Variants in CADM2 observed in about 807,000 individuals in gnomAD.
CADM2 encodes immunoglobulin superfamily member 4D.
Under a neutral mutation model 49.8 loss-of-function variants are expected in CADM2, and 12 were observed. The ratio of observed to expected loss-of-function variants is 0.24; its 90% CI spans 0.15 to 0.39. The LOEUF (loss-of-function observed/expected upper bound fraction) is 0.39. CADM2 is among the 10% of genes least tolerant of loss of function. CADM2 has a pLI of 1.00. For missense variants in CADM2, 378 were observed against 492.3 expected, an observed-to-expected ratio of 0.77 and a Z score of 2.20; for synonymous variants, 214 against 175.4, an observed-to-expected ratio of 1.22 and a Z score of -1.74.
At chr3:85,658,726 T>C (rs2065299226) in intron 1 of CADM2, among the ~76,000 whole-genome samples, 2 of 150,616 alleles carry the variant, frequency 1.3e-5, no homozygotes, top group South Asian at 2.1e-4. Flanking sequence ...TTTCTATTAG[T>C]GTTCTTACAG....
Position 85,683,740 on chromosome 3 carries a change from C to T in CADM2, c.62-42782C>T, listed in dbSNP as rs77632808. 1.8e-3 allele frequency among the ~76,000 whole-genome samples: 273 copies of T among 152,244 alleles called. 3 individuals are homozygous for T. The East Asian group carries it at 0.043, about 24-fold the overall frequency. ...AAGTATTTTTATACTTGCAGTTGTG[C>T]TTTTGCTATCCTCAGGTACATAGAA... is the stretch of plus-strand genomic sequence containing the variant. On this transcript the variant is annotated intron_variant, in intron 1 of 9. Transcript: ENST00000383699.
At chr3:86,008,128 T>C (rs1577932066) in intron 8 of CADM2, among the ~76,000 whole-genome samples, 1 of 152,286 alleles carries the variant, frequency 6.6e-6, no homozygotes, top group Non-Finnish European at 1.5e-5. Context: ...AAAATCAATT[T>C]TTTTTTCCAA....
At chr3:86,045,748 A>C (rs535882319) in intron 8 of CADM2, among the ~76,000 whole-genome samples, 2 of 152,266 alleles carry the variant, frequency 1.3e-5, no homozygotes, top group South Asian at 4.1e-4. Context: ...AACAATAACA[A>C]CACTAATATA....
intron 1 of CADM2, among the ~76,000 whole-genome samples, chr3:85,216,396 ATTT>A (rs2041928770): frequency 1.3e-5 from 2 of 148,270 alleles, no homozygotes; most frequent in Admixed American, 1.4e-4. Context: ...TATATTAATT[ATTT>A]ATTACATTAA....
intron 1 of CADM2, among the ~76,000 whole-genome samples, chr3:85,272,109 G>T (rs1304015893): frequency 6.6e-6 from 1 of 151,024 alleles, no homozygotes; most frequent in African/African-American, 2.4e-5. Flanking sequence ...AGGGTTTGCT[G>T]CTAATGATCC....
intron 1 of CADM2, among the ~76,000 whole-genome samples, chr3:85,698,520 C>T (rs1383490548): frequency 2.0e-5 from 3 of 152,066 alleles, no homozygotes; most frequent in Non-Finnish European, 4.4e-5. Context: ...GGGGAAGCCT[C>T]AGGAAACTTA....
At chr3:85,431,351 T>C (rs2036654193) in intron 1 of CADM2, among the ~76,000 whole-genome samples, 3 of 152,192 alleles carry the variant, frequency 2.0e-5, no homozygotes, top group Admixed American at 1.3e-4. Flanking sequence ...GAACTGTGCC[T>C]AATAAATACG....
chr3:85,931,612 T>C (rs1471957852), intron 6 of CADM2, among the ~76,000 whole-genome samples: 1 of 152,160 alleles, frequency 6.6e-6, no homozygotes, highest in Non-Finnish European at 1.5e-5. Flanking sequence ...TCTGATCAGA[T>C]TTGAAGGTAA....
At chr3:85,617,893 A>G (rs2063842623) in intron 1 of CADM2, among the ~76,000 whole-genome samples, 1 of 152,252 alleles carries the variant, frequency 6.6e-6, no homozygotes, top group African/African-American at 2.4e-5. Flanking sequence ...GAAATGCATT[A>G]GAACGTTACA....
intron 1 of CADM2, among the ~76,000 whole-genome samples, chr3:85,630,893 C>T (rs2064286287): frequency 6.6e-6 from 1 of 151,858 alleles, no homozygotes; most frequent in Non-Finnish European, 1.5e-5. Context: ...TGCCTAAAAC[C>T]CTCTAATAGC....
intron 8 of CADM2, 24 bp downstream of exon 8, chr3:85,961,671 A>T: frequency 6.7e-7 from 1 of 1,497,258 alleles, no homozygotes; most frequent in Non-Finnish European, 9.1e-7. Context: ...GGAAAACATT[A>T]TATGTGAAAG....
intron 1 of CADM2, among the ~76,000 whole-genome samples, chr3:84,965,273 G>T (rs556990544): frequency 6.6e-6 from 1 of 152,256 alleles, no homozygotes; most frequent in Non-Finnish European, 1.5e-5. Flanking sequence ...TTAACCTAGA[G>T]CTGTGGCAGC....
At chr3:85,074,122 C>A (rs931501827) in intron 1 of CADM2, among the ~76,000 whole-genome samples, 1 of 152,076 alleles carries the variant, frequency 6.6e-6, no homozygotes, top group South Asian at 2.1e-4. Context: ...GCTCCCGTTA[C>A]CACTTTCACC....
At chr3:85,190,438 CTTTG>C (rs1445571303) in intron 1 of CADM2, among the ~76,000 whole-genome samples, 3 of 152,048 alleles carry the variant, frequency 2.0e-5, no homozygotes, top group Non-Finnish European at 2.9e-5. Flanking sequence ...AGGTACATTC[CTTTG>C]TTTGCTGAAA....
At chr3:85,611,033 A>G (rs1007478834) in intron 1 of CADM2, among the ~76,000 whole-genome samples, 20 of 151,938 alleles carry the variant, frequency 1.3e-4, no homozygotes, top group Non-Finnish European at 1.2e-4. Flanking sequence ...CTGATCATGT[A>G]TATCTGAAAA....
At chr3:85,228,971 C>G (rs1190099502) in intron 1 of CADM2, among the ~76,000 whole-genome samples, 1 of 152,158 alleles carries the variant, frequency 6.6e-6, no homozygotes, top group African/African-American at 2.4e-5. Flanking sequence ...GGGGTTTTAT[C>G]TATACCTGAC....
intron 1 of CADM2, among the ~76,000 whole-genome samples, chr3:85,198,987 G>A (rs974441618): frequency 6.6e-6 from 1 of 151,588 alleles, no homozygotes; most frequent in Admixed American, 6.6e-5. Flanking sequence ...CTCTCTAATT[G>A]GTATGTGCTT....
At chr3:85,929,381 A>G (rs1205616202) in intron 6 of CADM2, among the ~76,000 whole-genome samples, 1 of 152,068 alleles carries the variant, frequency 6.6e-6, no homozygotes, top group African/African-American at 2.4e-5. Flanking sequence ...TCTATAATTA[A>G]CTTATAAAAC....
rs759360812 is a variant in CADM2 at position 85,726,542 on chromosome 3, G to A, written c.82G>A (p.Val28Ile). Reference sequence around the variant, plus strand: ...ACCAGCGGCTGCTTCAAAGAATAAAGTTAAAGGTGAGCTCCTGTTTATTCT... The same window carrying A: ...ACCAGCGGCTGCTTCAAAGAATAAAATTAAAGGTGAGCTCCTGTTTATTCT... ...LLQAAASKNK[V>I]KGSQGQFPLT... Residue 28 changes from valine (V) to isoleucine (I), a missense_variant, in exon 2 of 10, where the codon GTT (valine) becomes ATT (isoleucine). By Grantham distance (29) the Val-to-Ile change is conservative. Coordinates refer to ENST00000383699, the MANE Select transcript of CADM2 (RefSeq NM_001167675.2). 3 of 1,611,676 alleles carry A rather than the reference G, an allele frequency of 1.9e-6. No individual in the cohort carries two copies. Among genetic ancestry groups the A allele is most frequent in the Non-Finnish European group, 2.5e-6 (3 of 1,178,312 alleles).
Sources: allele counts gnomAD v4.1 joint callset (sites outside exome capture counted in the v4.1 genomes callset), GRCh38; gene constraint gnomAD v4.1.1; transcripts MANE v1.5; gene names NCBI Gene and HGNC (gene_info 2026-07-23, HGNC 2026-07-21).